TRAF3IP1: variants seen among roughly 807,000 people sequenced by gnomAD.
TRAF3IP1 encodes TRAF3-interacting protein 1.
TRAF3IP1 carries 53 observed loss-of-function variants against 89.9 expected under a neutral mutation model. The ratio of observed to expected loss-of-function variants is 0.59; its 90% CI spans 0.47 to 0.74. The LOEUF is 0.74. Among genes scored for constraint, TRAF3IP1 ranks in the 30% least tolerant of loss-of-function variants. The pLI, the probability that TRAF3IP1 is intolerant of heterozygous loss-of-function variation, is 0.00. For missense variants in TRAF3IP1, 806 were observed against 866.1 expected, an observed-to-expected ratio of 0.93 and a Z score of 0.87; for synonymous variants, 311 against 322.1, an observed-to-expected ratio of 0.97 and a Z score of 0.37.
intron 15 of TRAF3IP1, among the ~76,000 whole-genome samples, chr2:238,371,290 T>G (rs577175057): frequency 5.4e-4 from 81 of 150,376 alleles, no homozygotes; most frequent in African/African-American, 2.0e-3. Context: ...TTTGTTTTTG[T>G]TTTTTTTGGT....
chr2:238,320,586 G>T lies in TRAF3IP1; in HGVS notation c.-77G>T. The T allele has an allele frequency of 3.7e-6, 4 of 1,089,926 alleles. No homozygotes were observed. The highest frequency in any genetic ancestry group is 4.5e-6 in the Non-Finnish European group (4 of 895,878). The allele number at this position is 1,089,926 out of a possible 1,614,324, so 67.5% of individuals were successfully genotyped here. On this transcript the variant is annotated 5_prime_UTR_variant, in exon 1 of 17. Transcript: ENST00000373327. Reference sequence around the variant, plus strand: ...GGGCGGCGGCGGCGGCGGGGCCGGCGGCGGCCAGGGACCCGGGCTTAGGCT... The same window carrying T: ...GGGCGGCGGCGGCGGCGGGGCCGGCTGCGGCCAGGGACCCGGGCTTAGGCT...
intron 7 of TRAF3IP1, among the ~76,000 whole-genome samples, chr2:238,334,391 G>A (rs192668698): frequency 8.3e-4 from 127 of 152,366 alleles, no homozygotes; most frequent in African/African-American, 3.0e-3. Context: ...CCTGATGCAG[G>A]TTGGATATAG....
In TRAF3IP1 at chr2:238,329,015, A is replaced by C. The variant is rs1360317240; in HGVS notation, c.588A>C (p.Glu196Asp). ...TGAAAGAAGACCGCAAGCCAAGAGA[A>C]AAGGACAAGGACAAGGAGAAGGCCA... Reference protein sequence around the residue: ...EELKEDRKPREKDKDKEKAKE... With the variant: ...EELKEDRKPRDKDKDKEKAKE... Residue 196 changes from glutamate (E) to aspartate (D), a missense_variant, in exon 5 of 17, where the codon GAA becomes GAC. Around this residue, in one of 3 missense-constraint regions of TRAF3IP1, gnomAD observed 732 missense variants for 780.5 expected, o/e 0.94. Coordinates refer to ENST00000373327, the MANE Select transcript of TRAF3IP1 (RefSeq NM_015650.4). 3 of 1,551,884 alleles carry C rather than the reference A, an allele frequency of 1.9e-6. No homozygotes were observed. The Admixed American group carries it at 5.9e-5, about 30-fold the overall frequency.
intron 14 of TRAF3IP1, 59 bp downstream of exon 14, chr2:238,353,268 C>T (rs890182858): frequency 2.0e-5 from 31 of 1,587,420 alleles, no homozygotes; most frequent in Non-Finnish European, 2.6e-5. Context: ...TGCACCTTCT[C>T]CACGTGGGCC....
chr2:238,325,928 A>G lies in TRAF3IP1; in HGVS notation c.312A>G (p.Thr104=), dbSNP rs749626026. 4 of 1,614,058 alleles carry G rather than the reference A, an allele frequency of 2.5e-6. No individual in the cohort carries two copies. Among genetic ancestry groups the G allele is most frequent in the Middle Eastern group, 1.6e-4 (1 of 6,062 alleles). The part of the protein sequence containing the change: ...RIVAGHEPER[T]NELLQIIGKC... ...TGGCGGGGCATGAGCCTGAAAGAAC[A>G]AACGAGCTGCTCCAGATAATTGGAA... The change falls in exon 3 of 17, where the codon ACA becomes ACG. Residue 104 remains threonine (T), a synonymous_variant. Transcript: ENST00000373327.
At chr2:238,343,947 C>G (rs143267435) in intron 8 of TRAF3IP1, among the ~76,000 whole-genome samples, 1 of 150,596 alleles carries the variant, frequency 6.6e-6, no homozygotes, top group Non-Finnish European at 1.5e-5. Flanking sequence ...GTGTGAGCCA[C>G]TGTGCCCAGC....
intron 3 of TRAF3IP1, among the ~76,000 whole-genome samples, chr2:238,327,167 C>T (rs187044053): frequency 9.2e-5 from 14 of 152,332 alleles, no homozygotes; most frequent in East Asian, 3.9e-4. Context: ...CGGCCCTGGC[C>T]GGCTGTCTCC....
At chr2:238,398,384 G>A (rs1701335033) in intron 16 of TRAF3IP1, among the ~76,000 whole-genome samples, 1 of 149,866 alleles carries the variant, frequency 6.7e-6, no homozygotes, top group South Asian at 2.1e-4. Context: ...GCAGAGGTAG[G>A]GGTGTAGCGG....
chr2:238,356,507 A>C (rs1699415761), intron 15 of TRAF3IP1, among the ~76,000 whole-genome samples: 3 of 152,020 alleles, frequency 2.0e-5, no homozygotes, highest in Admixed American at 6.5e-5. Flanking sequence ...AGAAAGAAAA[A>C]AAAAGCCATT....
At chr2:238,327,766 C>G (rs1247945638) in intron 3 of TRAF3IP1, among the ~76,000 whole-genome samples, 1 of 152,064 alleles carries the variant, frequency 6.6e-6, no homozygotes, top group Non-Finnish European at 1.5e-5. Context: ...GCCCCTGGCA[C>G]CCTCCATTCT....
intron 15 of TRAF3IP1, among the ~76,000 whole-genome samples, chr2:238,392,660 C>T (rs188190407): frequency 5.0e-4 from 72 of 143,056 alleles, no homozygotes; most frequent in African/African-American, 1.6e-3. Flanking sequence ...GCAACCTCGC[C>T]CCCCCACCCG....
Position 238,398,762 on chromosome 2 carries a change from A to T in TRAF3IP1, c.1919A>T (p.Asp640Val), listed in dbSNP as rs1465840913. ...GTTTTGTTCTCCCTCAGGATCACAG[A>T]CTGTGCCGTGGAGCCCTTAAAGGCT... ...EALQQEQRIT[D>V]CAVEPLKAEL... is the part of the protein sequence containing the mutation. The change falls in exon 17 of 17, where the codon GAC becomes GTC. Residue 640 changes from aspartate to valine, a missense_variant. Transcript: ENST00000373327. The T allele has an allele frequency of 1.5e-5, 24 of 1,596,798 alleles. No homozygotes were observed. The highest frequency in any genetic ancestry group is 2.0e-5 in the Non-Finnish European group (23 of 1,175,424).
intron 5 of TRAF3IP1, among the ~76,000 whole-genome samples, chr2:238,330,566 G>A (rs1698071313): frequency 6.6e-6 from 1 of 152,206 alleles, no homozygotes; most frequent in South Asian, 2.1e-4. Context: ...GCCTGAGCTG[G>A]TGCCATGGCC....
rs1559401530 is a variant in TRAF3IP1 at position 238,397,682 on chromosome 2, GGGGGGT to G, written c.1910+4_1910+9del. 3 of 1,602,560 alleles carry G rather than the reference GGGGGGT, an allele frequency of 1.9e-6. No homozygotes were observed. Among genetic ancestry groups the G allele is most frequent in the African/African-American group, 1.4e-5 (1 of 73,604 alleles). On this transcript the variant is annotated splice_donor_5th_base_variant and intron_variant, in intron 16 of 16. Transcript: ENST00000373327. ...GAGGCCCTGCAGCAGGAGCAGAGGTGGGGGGTAGTAATGGGGAGGGGGCCCTGCAGC... is the reference window on the plus strand; with the variant it reads ...GAGGCCCTGCAGCAGGAGCAGAGGTGAGTAATGGGGAGGGGGCCCTGCAGC...
At chr2:238,377,685 AT>A (rs1027454772) in intron 15 of TRAF3IP1, among the ~76,000 whole-genome samples, 86 of 151,700 alleles carry the variant, frequency 5.7e-4, no homozygotes, top group Non-Finnish European at 9.4e-4. Flanking sequence ...TATGATCCTT[AT>A]TTTTTTTAGT....
At chr2:238,336,402 G>A (rs1176419551) in intron 7 of TRAF3IP1, among the ~76,000 whole-genome samples, 1 of 152,112 alleles carries the variant, frequency 6.6e-6, no homozygotes, top group Non-Finnish European at 1.5e-5. Context: ...TGAACATTCT[G>A]CCTCGCTTAA....
At chr2:238,393,086 A>G (rs1382942804) in intron 15 of TRAF3IP1, among the ~76,000 whole-genome samples, 1 of 152,186 alleles carries the variant, frequency 6.6e-6, no homozygotes, top group Non-Finnish European at 1.5e-5. Flanking sequence ...GTTGGTTGAT[A>G]CTGTAGTTGC....
chr2:238,397,398 G>A, intron 15 of TRAF3IP1, 61 bp from the exon 16 acceptor site: 3 of 1,496,774 alleles, frequency 2.0e-6, no homozygotes, highest in Non-Finnish European at 2.8e-6. Context: ...GAGTGCACCG[G>A]CCCTGTTCTG....
rs150407213 is a variant in TRAF3IP1, at chr2:238,351,906, CGT to C, written c.1452-900_1452-899del. Among the ~76,000 whole-genome samples the C allele has an allele frequency of 0.025, 3,565 of 143,520 alleles. 36 individuals are homozygous for C. The highest frequency in any genetic ancestry group is 0.031 in the African/African-American group (1,219 of 38,954). The allele number at this position is 143,520 out of a possible 152,430, so 94.2% of individuals were successfully genotyped here. On this transcript the variant is annotated intron_variant, in intron 12 of 16. Coordinates refer to ENST00000373327, the MANE Select transcript of TRAF3IP1 (RefSeq NM_015650.4). This position sits in a 1 kb window ranked among gnomAD's most constrained non-coding sequence, Gnocchi z 5.2. ...GTGCGTGCATGTGCTTGTGTGTATG[CGT>C]GTGTGTGTGTGTGTGTGTGTATGCA... is the stretch of plus-strand genomic sequence containing the variant.
Sources: allele counts gnomAD v4.1 joint callset (sites outside exome capture counted in the v4.1 genomes callset), GRCh38; gene constraint gnomAD v4.1.1; regional missense constraint gnomAD v4.1.1; non-coding constraint Gnocchi (gnomAD v3.1); transcripts MANE v1.5; gene names NCBI Gene and HGNC (gene_info 2026-07-23, HGNC 2026-07-21).